SYNPR: variants seen among roughly 807,000 people sequenced by gnomAD.
SYNPR encodes synaptoporin.
Under a neutral mutation model 32.9 loss-of-function variants are expected in SYNPR, and 23 were observed. The observed-to-expected ratio is 0.70, with a 90% CI of 0.50 to 0.99. SYNPR has a LOEUF of 0.99. Ranked by LOEUF, SYNPR falls within the 50% of genes least tolerant of loss-of-function variation. The pLI, the probability that SYNPR is intolerant of heterozygous loss-of-function variation, is 0.00. For synonymous variants in SYNPR, 146 were observed against 135.9 expected (o/e 1.07, Z -0.52); for missense variants, 318 against 349.3 (o/e 0.91, Z 0.71).
intron 2 of SYNPR, among the ~76,000 whole-genome samples, chr3:63,387,099 T>C (rs2088055971): frequency 6.6e-6 from 1 of 152,204 alleles, no homozygotes; most frequent in Non-Finnish European, 1.5e-5. Context: ...AGAGCAAAAG[T>C]GTCTTCCACT....
intron 2 of SYNPR, among the ~76,000 whole-genome samples, chr3:63,383,693 C>T (rs527505003): frequency 6.6e-6 from 1 of 152,146 alleles, no homozygotes; most frequent in Non-Finnish European, 1.5e-5. Flanking sequence ...ACTAATGGAA[C>T]TCCTATTGTA....
intron 3 of SYNPR, among the ~76,000 whole-genome samples, chr3:63,503,066 T>C (rs547310914): frequency 1.3e-5 from 2 of 152,168 alleles, no homozygotes; most frequent in Non-Finnish European, 2.9e-5. Context: ...CTTTCCAAAG[T>C]AGCTGAGCCA....
chr3:63,208,816 G>C, the SYNPR span, among the ~76,000 whole-genome samples: 1 of 152,082 alleles, frequency 6.6e-6, no homozygotes, highest in East Asian at 1.9e-4. Context: ...TGGCATAGCC[G>C]GTTAGTAAGA....
At chr3:63,375,927 C>T (rs2087888386) in intron 2 of SYNPR, among the ~76,000 whole-genome samples, 1 of 152,088 alleles carries the variant, frequency 6.6e-6, no homozygotes, top group Non-Finnish European at 1.5e-5. Flanking sequence ...GAAAGTATTG[C>T]TTTCCACCTT....
intron 2 of SYNPR, among the ~76,000 whole-genome samples, chr3:63,291,649 C>A (rs1230421133): frequency 2.0e-5 from 3 of 152,012 alleles, no homozygotes; most frequent in Non-Finnish European, 4.4e-5. Flanking sequence ...TATGTGACCA[C>A]CATTCACCCA....
intron 2 of SYNPR, among the ~76,000 whole-genome samples, chr3:63,339,299 G>T (rs1357907581): frequency 6.6e-6 from 1 of 152,186 alleles, no homozygotes; most frequent in African/African-American, 2.4e-5. Flanking sequence ...CATTCTGCTG[G>T]AAAGAGACAG....
At chr3:63,484,519 G>A (rs756180848) in intron 3 of SYNPR, among the ~76,000 whole-genome samples, 28 of 152,244 alleles carry the variant, frequency 1.8e-4, no homozygotes, top group Non-Finnish European at 3.7e-4. Context: ...TCAGAGGTTA[G>A]GGGGCTATAG....
chr3:63,472,448 C>T lies in SYNPR; in HGVS notation c.85-8384C>T, dbSNP rs538884536. 1.2e-3 allele frequency among the ~76,000 whole-genome samples: 183 copies of T among 152,246 alleles called. 2 individuals carry two copies. The highest frequency in any genetic ancestry group is 2.9e-3 in the East Asian group (15 of 5,180). On this transcript the variant is annotated intron_variant, in intron 2 of 5. Coordinates refer to ENST00000478300, the MANE Select transcript of SYNPR (RefSeq NM_001130003.2). The stretch of plus-strand genomic sequence containing the variant: ...ATGATGGACTTACTGAGGAGACTGA[C>T]ACAGAAAACTAAATATAATTATTTT...
At chr3:63,609,618 G>T (rs182751923) in intron 5 of SYNPR, among the ~76,000 whole-genome samples, 105 of 152,250 alleles carry the variant, frequency 6.9e-4, no homozygotes, top group African/African-American at 2.5e-3. Flanking sequence ...TATAAAATCT[G>T]AACTTTGGCC....
chr3:63,349,710 T>C (rs748896476), intron 2 of SYNPR, among the ~76,000 whole-genome samples: 3 of 152,152 alleles, frequency 2.0e-5, no homozygotes, highest in African/African-American at 4.8e-5. Flanking sequence ...GAGGAGTCTT[T>C]AGGGTTTTCT....
chr3:63,231,812 T>G (rs1029987720), intron 1 of SYNPR, among the ~76,000 whole-genome samples: 1 of 152,180 alleles, frequency 6.6e-6, no homozygotes, highest in African/African-American at 2.4e-5. Context: ...GAAGAAAAAG[T>G]TCAACCCTTT....
At chr3:63,466,425 A>T (rs1426699016) in intron 2 of SYNPR, among the ~76,000 whole-genome samples, 3 of 150,594 alleles carry the variant, frequency 2.0e-5, no homozygotes, top group Admixed American at 1.3e-4. Flanking sequence ...TTACTGTTGG[A>T]CATAGAGGCT....
chr3:63,260,585 G>C (rs2086429714), intron 2 of SYNPR, among the ~76,000 whole-genome samples: 1 of 152,172 alleles, frequency 6.6e-6, no homozygotes, highest in Non-Finnish European at 1.5e-5. Context: ...ATGGATTAAA[G>C]ACTTAAATGT....
the SYNPR span, among the ~76,000 whole-genome samples, chr3:63,207,939 TATTC>T: frequency 6.6e-6 from 1 of 152,136 alleles, no homozygotes; most frequent in African/African-American, 2.4e-5. Flanking sequence ...GCCAATTTGG[TATTC>T]ATCCTCCTAG....
intron 2 of SYNPR, among the ~76,000 whole-genome samples, chr3:63,371,400 G>A (rs140400414): frequency 8.3e-4 from 127 of 152,284 alleles, no homozygotes; most frequent in African/African-American, 3.0e-3. Flanking sequence ...GCACGTCTCC[G>A]GGAAAGAGGC....
intron 1 of SYNPR, among the ~76,000 whole-genome samples, chr3:63,249,122 A>G (rs879276993): frequency 2.6e-5 from 4 of 152,156 alleles, no homozygotes; most frequent in Admixed American, 6.6e-5. Context: ...ATGTAACAAA[A>G]CATTTTGCAC....
chr3:63,523,041 G>A (rs1403565516), intron 3 of SYNPR, among the ~76,000 whole-genome samples: 1 of 152,146 alleles, frequency 6.6e-6, no homozygotes, highest in African/African-American at 2.4e-5. Flanking sequence ...GAGTCAGGTT[G>A]TAACAGAGAA....
intron 4 of SYNPR, among the ~76,000 whole-genome samples, chr3:63,570,774 T>A (rs1440127193): frequency 1.3e-5 from 2 of 152,222 alleles, no homozygotes; most frequent in Admixed American, 1.3e-4. Flanking sequence ...TGGTTTTGTC[T>A]GATCCCCCCT....
At chr3:63,316,644 G>A (rs1375138265) in intron 2 of SYNPR, among the ~76,000 whole-genome samples, 1 of 151,730 alleles carries the variant, frequency 6.6e-6, no homozygotes, top group African/African-American at 2.4e-5. Context: ...GGTTAATTTT[G>A]CTAATGGTCT....
Sources: allele counts gnomAD v4.1 joint callset (sites outside exome capture counted in the v4.1 genomes callset), GRCh38; gene constraint gnomAD v4.1.1; transcripts MANE v1.5; gene names NCBI Gene and HGNC (gene_info 2026-07-23, HGNC 2026-07-21).